ADGRB3: variants seen among roughly 807,000 people sequenced by gnomAD.
ADGRB3 encodes the protein brain-specific angiogenesis inhibitor 3.
A neutral mutation model predicts 193.4 loss-of-function variants in ADGRB3; 37 were observed. The observed-to-expected ratio is 0.19, with a 90% CI of 0.15 to 0.25. The LOEUF (loss-of-function observed/expected upper bound fraction) is 0.25, where lower values mean the gene tolerates loss of function less well. Ranked by LOEUF, ADGRB3 falls within the 10% of genes least tolerant of loss-of-function variation. The pLI is 1.00. For synonymous variants in ADGRB3, 690 were observed against 644.2 expected (o/e 1.07, Z -1.08); for missense variants, 1,637 against 1,852.9 (o/e 0.88, Z 2.14).
intron 3 of ADGRB3, among the ~76,000 whole-genome samples, chr6:68,675,782 A>G (rs1461507026): frequency 6.6e-6 from 1 of 152,158 alleles, no homozygotes; most frequent in Admixed American, 6.5e-5. Flanking sequence ...ACTAAGCAGC[A>G]TACTCTGCTT....
Position 69,378,081 on chromosome 6 carries a change from C to A in ADGRB3, c.4276-4750C>A, listed in dbSNP as rs1308480392. ...TCAGTATACATTTATTGAGCACCTG[C>A]TGAATGCCAGATGCTGTGTGCTAGG... On this transcript the variant is annotated intron_variant, in intron 30 of 31. Coordinates refer to ENST00000370598, the MANE Select transcript of ADGRB3 (RefSeq NM_001704.3). 2.6e-5 allele frequency among the ~76,000 whole-genome samples: 4 copies of A among 152,184 alleles called. No individual in the cohort carries two copies. The East Asian group carries it at 5.8e-4, about 22-fold the overall frequency.
intron 20 of ADGRB3, among the ~76,000 whole-genome samples, chr6:69,241,062 A>G (rs1466603730): frequency 6.6e-6 from 1 of 152,016 alleles, no homozygotes; most frequent in Admixed American, 6.6e-5. Flanking sequence ...GATCCACAGT[A>G]CAAAATATGC....
intron 20 of ADGRB3, among the ~76,000 whole-genome samples, chr6:69,290,307 T>C (rs1419821703): frequency 2.0e-5 from 3 of 151,906 alleles, no homozygotes; most frequent in Non-Finnish European, 4.4e-5. Context: ...CAGAAGGGAG[T>C]GACAGAAACA....
intron 3 of ADGRB3, among the ~76,000 whole-genome samples, chr6:68,906,346 G>T (rs1766547994): frequency 1.3e-5 from 2 of 151,592 alleles, no homozygotes; most frequent in Non-Finnish European, 2.9e-5. Context: ...ATATATTGAA[G>T]GTATACCATG....
At chr6:69,254,533 TTA>T (rs1383732912) in intron 20 of ADGRB3, among the ~76,000 whole-genome samples, 1 of 152,098 alleles carries the variant, frequency 6.6e-6, no homozygotes, top group East Asian at 1.9e-4. Flanking sequence ...ATAACTATCT[TTA>T]TGTTTTTTCT....
chr6:69,372,835 G>A (rs1654914795), intron 30 of ADGRB3, among the ~76,000 whole-genome samples: 1 of 151,924 alleles, frequency 6.6e-6, no homozygotes, highest in East Asian at 1.9e-4. Context: ...AGTATGCTTA[G>A]GCTGGTTAGC....
At chr6:69,203,099 G>T (rs1765464911) in intron 17 of ADGRB3, among the ~76,000 whole-genome samples, 1 of 152,034 alleles carries the variant, frequency 6.6e-6, no homozygotes, top group South Asian at 2.1e-4. Context: ...AGGTCTGAGA[G>T]AAACTCAGTT....
At chr6:68,747,679 G>A (rs954515801) in intron 3 of ADGRB3, among the ~76,000 whole-genome samples, 5 of 152,186 alleles carry the variant, frequency 3.3e-5, no homozygotes, top group African/African-American at 1.2e-4. Context: ...AGTGTGAAAT[G>A]GAAGAATCTT....
intron 20 of ADGRB3, among the ~76,000 whole-genome samples, chr6:69,290,738 T>C (rs1767649116): frequency 6.6e-6 from 1 of 152,192 alleles, no homozygotes; most frequent in East Asian, 1.9e-4. Flanking sequence ...ATAAGTTTTC[T>C]AGCCATATGT....
chr6:68,874,879 G>T (rs1291437946), intron 3 of ADGRB3, among the ~76,000 whole-genome samples: 5 of 151,952 alleles, frequency 3.3e-5, no homozygotes, highest in Non-Finnish European at 7.4e-5. Context: ...TGGGTATTTG[G>T]CTCTTCAAAA....
chr6:69,375,019 G>A (rs1769784692), intron 30 of ADGRB3, among the ~76,000 whole-genome samples: 1 of 152,044 alleles, frequency 6.6e-6, no homozygotes, highest in Non-Finnish European at 1.5e-5. Flanking sequence ...CATGTAGGTT[G>A]GCTAATCTGT....
At chr6:69,007,658 CTAAAG>C (rs1769798639) in intron 11 of ADGRB3, among the ~76,000 whole-genome samples, 1 of 145,032 alleles carries the variant, frequency 6.9e-6, no homozygotes, top group Non-Finnish European at 1.5e-5. Context: ...ACTATCTAAT[CTAAAG>C]TAATCTCTCT....
intron 20 of ADGRB3, among the ~76,000 whole-genome samples, chr6:69,256,043 T>G (rs1186243277): frequency 2.0e-5 from 3 of 152,016 alleles, no homozygotes; most frequent in Non-Finnish European, 4.4e-5. Context: ...GAGGGCTCTG[T>G]TCTGTTCCAT....
chr6:69,379,767 T>C (rs1399718016), intron 30 of ADGRB3, among the ~76,000 whole-genome samples: 1 of 151,964 alleles, frequency 6.6e-6, no homozygotes, highest in Non-Finnish European at 1.5e-5. Flanking sequence ...ATTGCTATGG[T>C]TATTTCTGGC....
At chr6:69,354,473 A>T (rs1241017250) in intron 27 of ADGRB3, 145 bp downstream of exon 27, 1 of 673,230 alleles carries the variant, frequency 1.5e-6, no homozygotes, top group Admixed American at 2.6e-5. Context: ...CTCTGGTACC[A>T]CAGAAGTATT....
In ADGRB3 at chr6:69,053,184, A is replaced by T. The variant is rs536440926; in HGVS notation, c.2333+3838A>T. ...ACTGGGTGACAGAGCAAGATTCCAT[A>T]AAAAAAAATGTATAGAACCATAGGA... On this transcript the variant is annotated intron_variant, in intron 15 of 31. Transcript: ENST00000370598. 3.3e-5 allele frequency among the ~76,000 whole-genome samples: 5 copies of T among 151,128 alleles called. 1 individual carries two copies. In the South Asian group the frequency reaches 8.4e-4, roughly 25 times the overall value.
chr6:69,359,388 A>G (rs1475424233), intron 28 of ADGRB3, among the ~76,000 whole-genome samples: 1 of 151,594 alleles, frequency 6.6e-6, no homozygotes. Flanking sequence ...GAATTATTCT[A>G]CTTTTTATTA....
chr6:69,332,068 G>T (rs1289406815), intron 23 of ADGRB3: 1 of 985,180 alleles, frequency 1.0e-6, no homozygotes, highest in African/African-American at 1.7e-5. Context: ...AGGCCAGAAA[G>T]GCAAAAAGAA....
At chr6:69,300,664 T>C (rs1198021340) in intron 20 of ADGRB3, among the ~76,000 whole-genome samples, 1 of 151,768 alleles carries the variant, frequency 6.6e-6, no homozygotes, top group African/African-American at 2.4e-5. Context: ...CATTTACATA[T>C]GCTACTGGCA....
Sources: gnomAD v4.1 joint callset for allele counts (sites outside exome capture counted in the v4.1 genomes callset) on GRCh38, gnomAD v4.1.1 for gene constraint, MANE v1.5 for transcripts, NCBI Gene and HGNC (gene_info 2026-07-23, HGNC 2026-07-21) for gene names.